Variants in TANC1 observed in about 807,000 individuals in gnomAD.
TANC1 encodes tetratricopeptide repeat, ankyrin repeat and coiled-coil containing 1.
Under a neutral mutation model 149.7 loss-of-function variants are expected in TANC1, and 77 were observed. The ratio of observed to expected loss-of-function variants is 0.51; its 90% CI spans 0.43 to 0.62. TANC1 has a LOEUF of 0.62. Ranked by LOEUF, TANC1 falls within the 20% of genes least tolerant of loss-of-function variation. The pLI, the probability that TANC1 is intolerant of heterozygous loss-of-function variation, is 0.00. For missense variants in TANC1, 1,985 were observed against 2,321.8 expected (o/e 0.85, Z 2.98); for synonymous variants, 854 against 925.0 (o/e 0.92, Z 1.39).
intron 2 of TANC1, among the ~76,000 whole-genome samples, chr2:159,019,604 C>A (rs1435523511): frequency 6.8e-6 from 1 of 146,526 alleles, no homozygotes; most frequent in East Asian, 2.0e-4. Flanking sequence ...GACCTGGAGG[C>A]AGGGTCTTGA....
chr2:159,191,997 A>G (rs961335987), intron 16 of TANC1, among the ~76,000 whole-genome samples: 3 of 152,176 alleles, frequency 2.0e-5, no homozygotes, highest in African/African-American at 7.2e-5. Flanking sequence ...AAGGAGCATC[A>G]TTTGTATCTA....
chr2:159,149,485 C>T lies in TANC1; in HGVS notation c.495+213C>T, dbSNP rs946159621. The T allele has an allele frequency of 1.2e-5, 7 of 590,878 alleles. No individual in the cohort carries two copies. The Admixed American group carries it at 1.4e-4, about 12-fold the overall frequency. 36.6% of individuals were successfully genotyped at this position (590,878 alleles called of 1,614,324 possible). ...AAAGAAGCAGAACGTAAGAAAATGT[C>T]CACATTAACCTTCTAGTCACCACCC... is the stretch of plus-strand genomic sequence containing the variant. On this transcript the variant is annotated intron_variant, in intron 6 of 26. Coordinates refer to ENST00000263635, the MANE Select transcript of TANC1 (RefSeq NM_033394.3).
intron 19 of TANC1, among the ~76,000 whole-genome samples, chr2:159,202,537 T>G (rs2058320841): frequency 6.6e-6 from 1 of 152,106 alleles, no homozygotes; most frequent in South Asian, 2.1e-4. Flanking sequence ...CATTCAGAAC[T>G]CAGTTCTGTC....
At chr2:159,209,639 A>G (rs1312664967) in intron 19 of TANC1, among the ~76,000 whole-genome samples, 3 of 152,212 alleles carry the variant, frequency 2.0e-5, no homozygotes, top group Non-Finnish European at 4.4e-5. Flanking sequence ...GTCAGTTACC[A>G]AGGCAGGGTG....
chr2:159,028,674 T>A (rs2039544020), intron 2 of TANC1, among the ~76,000 whole-genome samples: 1 of 152,246 alleles, frequency 6.6e-6, no homozygotes, highest in South Asian at 2.1e-4. Flanking sequence ...AAACTTTATA[T>A]TCTTTCAACA....
intron 1 of TANC1, among the ~76,000 whole-genome samples, chr2:158,978,773 C>T (rs1468319959): frequency 6.6e-6 from 1 of 152,158 alleles, no homozygotes; most frequent in Non-Finnish European, 1.5e-5. Flanking sequence ...TGAGAGTTCA[C>T]AAGTTGTAGG....
At chr2:159,059,931 G>GTGTGTGTGGT (rs2042118015) in intron 2 of TANC1, among the ~76,000 whole-genome samples, 1 of 38,674 alleles carries the variant, frequency 2.6e-5, no homozygotes, top group Non-Finnish European at 5.6e-5. Context: ...TGTGTGTGTG[G>GTGTGTGTGGT]TTTTTTGTTG....
At chr2:158,980,083 T>C (rs2034121736) in intron 1 of TANC1, among the ~76,000 whole-genome samples, 1 of 152,198 alleles carries the variant, frequency 6.6e-6, no homozygotes, top group Non-Finnish European at 1.5e-5. Flanking sequence ...AACTGAGTCT[T>C]AGGAAGTTAA....
At chr2:159,229,200 C>T (rs2060201143) in intron 26 of TANC1, among the ~76,000 whole-genome samples, 1 of 152,110 alleles carries the variant, frequency 6.6e-6, no homozygotes, top group Non-Finnish European at 1.5e-5. Flanking sequence ...AAACTGCCAA[C>T]TAGGGACATT....
intron 24 of TANC1, chr2:159,225,984 C>T (rs1012612316): frequency 3.3e-6 from 2 of 598,424 alleles, no homozygotes; most frequent in African/African-American, 1.9e-5. Context: ...GAATTCCAGA[C>T]CAACCTGGCC....
chr2:159,169,552 T>C (rs980347072), intron 9 of TANC1, among the ~76,000 whole-genome samples, 180 bp downstream of exon 9: 2 of 152,228 alleles, frequency 1.3e-5, no homozygotes, highest in Non-Finnish European at 2.9e-5. Flanking sequence ...TGGGGCTTCT[T>C]CCTTTAAAAT....
At chr2:159,048,115 T>C (rs193116549) in intron 2 of TANC1, among the ~76,000 whole-genome samples, 369 of 152,250 alleles carry the variant, frequency 2.4e-3, no homozygotes, top group Non-Finnish European at 4.5e-3. Context: ...CACAGTATAG[T>C]TGGGGTTTAG....
At chr2:159,181,943 G>A (rs189681173) in intron 14 of TANC1, among the ~76,000 whole-genome samples, 23 of 152,260 alleles carry the variant, frequency 1.5e-4, no homozygotes, top group African/African-American at 4.6e-4. Flanking sequence ...GCTTACGTGC[G>A]TAATCCTAGC....
At chr2:159,037,008 C>G (rs1378140489) in intron 2 of TANC1, among the ~76,000 whole-genome samples, 1 of 152,196 alleles carries the variant, frequency 6.6e-6, no homozygotes, top group East Asian at 1.9e-4. Flanking sequence ...TCTCCACATC[C>G]TCTCCAGCAC....
At chr2:159,208,195 T>A (rs1293925179) in intron 19 of TANC1, among the ~76,000 whole-genome samples, 4 of 152,234 alleles carry the variant, frequency 2.6e-5, no homozygotes, top group Non-Finnish European at 4.4e-5. Context: ...TACAATGCTA[T>A]GTATTGTCAG....
chr2:159,041,051 G>T (rs2040589837), intron 2 of TANC1, among the ~76,000 whole-genome samples: 1 of 152,208 alleles, frequency 6.6e-6, no homozygotes, highest in South Asian at 2.1e-4. Context: ...GTTTGCTGGA[G>T]GTTCACTACA....
At chr2:159,061,315 A>T (rs1457686481) in intron 2 of TANC1, among the ~76,000 whole-genome samples, 1 of 152,140 alleles carries the variant, frequency 6.6e-6, no homozygotes, top group Non-Finnish European at 1.5e-5. Context: ...TATAAGAGAA[A>T]CTGCAGAAGA....
chr2:159,151,192 T>A (rs1371059491), intron 7 of TANC1, among the ~76,000 whole-genome samples: 7 of 152,238 alleles, frequency 4.6e-5, no homozygotes, highest in Non-Finnish European at 8.8e-5. Flanking sequence ...TTTCTCTAGA[T>A]CATTAAGGAT....
chr2:159,015,166 C>T (rs948290620), intron 2 of TANC1, among the ~76,000 whole-genome samples: 6 of 152,234 alleles, frequency 3.9e-5, no homozygotes, highest in East Asian at 1.9e-4. Flanking sequence ...CAGGCATTCC[C>T]GTGCATCTTC....
Sources: allele counts gnomAD v4.1 joint callset (sites outside exome capture counted in the v4.1 genomes callset), GRCh38; gene constraint gnomAD v4.1.1; transcripts MANE v1.5; gene names NCBI Gene and HGNC (gene_info 2026-07-23, HGNC 2026-07-21).